Variants in TYW1B observed in about 807,000 individuals in gnomAD.
TYW1B encodes the protein S-adenosyl-L-methionine-dependent tRNA 4-demethylwyosine synthase TYW1B.
A neutral mutation model predicts 86.9 loss-of-function variants in TYW1B; 73 were observed. The ratio of observed to expected loss-of-function variants is 0.84; its 90% CI spans 0.70 to 1.02. TYW1B has a LOEUF of 1.02. TYW1B is among the 50% of genes least tolerant of loss of function. The pLI is 0.00. For synonymous variants in TYW1B, 248 were observed against 292.8 expected (o/e 0.85, Z 1.56); for missense variants, 637 against 827.4 (o/e 0.77, Z 2.82).
intron 11 of TYW1B, among the ~76,000 whole-genome samples, chr7:72,668,828 T>C (rs1288953807): frequency 6.6e-6 from 1 of 152,192 alleles, no homozygotes; most frequent in Non-Finnish European, 1.5e-5. Flanking sequence ...TCAGTTCCGC[T>C]ATCACTTCTT....
At chr7:72,825,417 G>A (rs1447741679) in intron 2 of TYW1B, among the ~76,000 whole-genome samples, 1 of 152,224 alleles carries the variant, frequency 6.6e-6, no homozygotes, top group Non-Finnish European at 1.5e-5. Flanking sequence ...AGTGGCTCAC[G>A]CCTGTAATCC....
At chr7:72,692,205 C>CAAA (rs1168197742) in intron 11 of TYW1B, among the ~76,000 whole-genome samples, 198 of 62,596 alleles carry the variant, frequency 3.2e-3, no homozygotes, top group Middle Eastern at 0.013. Flanking sequence ...GACTCCATCT[C>CAAA]AAAAAAAAAA....
chr7:72,724,481 T>C (rs1786963151), intron 9 of TYW1B, among the ~76,000 whole-genome samples: 1 of 151,996 alleles, frequency 6.6e-6, no homozygotes, highest in South Asian at 2.1e-4. Flanking sequence ...TCCAAGTAAA[T>C]AAATAAAGTA....
chr7:72,826,452 G>C (rs1197914260), intron 2 of TYW1B, among the ~76,000 whole-genome samples: 1 of 152,126 alleles, frequency 6.6e-6, no homozygotes, highest in East Asian at 1.9e-4. Context: ...TAAGGCTCAT[G>C]ATTTCCATTC....
intron 6 of TYW1B, among the ~76,000 whole-genome samples, chr7:72,798,411 T>C (rs534013499): frequency 2.0e-5 from 3 of 152,098 alleles, no homozygotes; most frequent in South Asian, 4.2e-4. Context: ...AATAAGTCGA[T>C]ATCAGCCTCC....
intron 11 of TYW1B, among the ~76,000 whole-genome samples, chr7:72,663,311 A>G (rs1554444729): frequency 1.3e-5 from 2 of 152,164 alleles, no homozygotes; most frequent in Non-Finnish European, 2.9e-5. Flanking sequence ...ATGCTATTTG[A>G]AATTTCAAAG....
intron 6 of TYW1B, among the ~76,000 whole-genome samples, chr7:72,780,414 T>C (rs1788031443): frequency 6.6e-6 from 1 of 152,186 alleles, no homozygotes; most frequent in African/African-American, 2.4e-5. Context: ...GACATGGCAG[T>C]ATTTGCCCTC....
At chr7:72,780,579 G>T (rs1463713895) in intron 6 of TYW1B, among the ~76,000 whole-genome samples, 1 of 152,048 alleles carries the variant, frequency 6.6e-6, no homozygotes, top group African/African-American at 2.4e-5. Flanking sequence ...GAGACTTCTG[G>T]CCCCTACAAA....
chr7:72,631,596 T>C (rs1388844239), intron 11 of TYW1B, among the ~76,000 whole-genome samples: 1 of 152,152 alleles, frequency 6.6e-6, no homozygotes, highest in Non-Finnish European at 1.5e-5. Context: ...AAAACACTTT[T>C]CTACAAGTTA....
At chr7:72,597,421 AAC>A (rs1469795007) in intron 13 of TYW1B, among the ~76,000 whole-genome samples, 96 of 152,306 alleles carry the variant, frequency 6.3e-4, no homozygotes, top group African/African-American at 2.3e-3. Context: ...ATAGAAAAAT[AAC>A]AGAGTCATTT....
chr7:72,723,060 A>G, intron 9 of TYW1B: 1 of 985,404 alleles, frequency 1.0e-6, no homozygotes. Context: ...CTGGGTCCCA[A>G]GGGGACAAGG....
chr7:72,591,969 G>A (rs1291435292), intron 13 of TYW1B, among the ~76,000 whole-genome samples: 14 of 151,312 alleles, frequency 9.3e-5, no homozygotes, highest in African/African-American at 1.5e-4. Context: ...GAATACAGGC[G>A]CCCGCCACAA....
chr7:72,704,557 T>C (rs1319139327), intron 10 of TYW1B, among the ~76,000 whole-genome samples: 8 of 149,386 alleles, frequency 5.4e-5, no homozygotes, highest in African/African-American at 2.0e-4. Context: ...AAGACCAGCC[T>C]GGCCAATATA....
chr7:72,722,323 T>C (rs1345313966), intron 9 of TYW1B, among the ~76,000 whole-genome samples: 3 of 152,230 alleles, frequency 2.0e-5, no homozygotes, highest in Admixed American at 6.6e-5. Context: ...TTTTCATCTT[T>C]GCAGCTTTAG....
At chr7:72,714,854 T>C (rs1411878490) in intron 9 of TYW1B, among the ~76,000 whole-genome samples, 3 of 151,712 alleles carry the variant, frequency 2.0e-5, no homozygotes, top group East Asian at 3.9e-4. Flanking sequence ...GAGGCACAGA[T>C]TGCAGTGAGA....
intron 9 of TYW1B, among the ~76,000 whole-genome samples, chr7:72,714,804 C>A (rs1786747636): frequency 6.6e-6 from 1 of 152,192 alleles, no homozygotes; most frequent in Non-Finnish European, 1.5e-5. Flanking sequence ...GTAATCCCAG[C>A]TACTCGGGAG....
At chr7:72,765,079 T>C (rs1787748538) in intron 7 of TYW1B, among the ~76,000 whole-genome samples, 1 of 152,194 alleles carries the variant, frequency 6.6e-6, no homozygotes, top group Admixed American at 6.5e-5. Flanking sequence ...CACCAAGGCT[T>C]TGGCTGAAAT....
chr7:72,674,117 C>T (rs544801854), intron 11 of TYW1B, among the ~76,000 whole-genome samples: 16 of 152,178 alleles, frequency 1.1e-4, no homozygotes, highest in African/African-American at 3.1e-4. Context: ...CACTCCTCTC[C>T]GTGAAGTGTG....
intron 13 of TYW1B, among the ~76,000 whole-genome samples, chr7:72,610,310 C>G (rs368713022): frequency 1.3e-5 from 2 of 149,218 alleles, no homozygotes; most frequent in African/African-American, 2.5e-5. Flanking sequence ...CTCCATAATT[C>G]GATATCTATA....
Sources: allele counts gnomAD v4.1 joint callset (sites outside exome capture counted in the v4.1 genomes callset), GRCh38; gene constraint gnomAD v4.1.1; transcripts MANE v1.5; gene names NCBI Gene and HGNC (gene_info 2026-07-23, HGNC 2026-07-21).